Variants in OPCML observed in about 807,000 individuals in gnomAD.
The protein encoded by OPCML is opioid-binding protein/cell adhesion molecule.
OPCML carries 13 observed loss-of-function variants against 37.8 expected under a neutral mutation model. The observed-to-expected ratio is 0.34, with a 90% CI of 0.22 to 0.55. The LOEUF is 0.55. Among genes scored for constraint, OPCML ranks in the 20% least tolerant of loss-of-function variants. OPCML has a pLI of 0.91. For synonymous variants in OPCML, 176 were observed against 168.8 expected (o/e 1.04, Z -0.33); for missense variants, 341 against 435.6 (o/e 0.78, Z 1.93).
At chr11:132,446,436 T>C (rs1469384686) in intron 4 of OPCML, among the ~76,000 whole-genome samples, 1 of 152,044 alleles carries the variant, frequency 6.6e-6, no homozygotes, top group Admixed American at 6.6e-5. Flanking sequence ...TAAATCCATT[T>C]GATGAGCAGA....
At chr11:133,467,530 T>C (rs1947003783) in intron 1 of OPCML, among the ~76,000 whole-genome samples, 1 of 152,194 alleles carries the variant, frequency 6.6e-6, no homozygotes, top group African/African-American at 2.4e-5. Flanking sequence ...ATTAATAATA[T>C]TTTTAAAGAC....
chr11:132,760,937 C>A (rs945183276), intron 2 of OPCML, among the ~76,000 whole-genome samples: 1 of 152,086 alleles, frequency 6.6e-6, no homozygotes, highest in Non-Finnish European at 1.5e-5. Context: ...TGGCTGGTAC[C>A]AGTTTTTCCT....
chr11:133,034,919 C>A (rs900343544), intron 1 of OPCML, among the ~76,000 whole-genome samples: 1 of 152,056 alleles, frequency 6.6e-6, no homozygotes, highest in African/African-American at 2.4e-5. Context: ...CCGGCAGAGA[C>A]ATGTTCTCAA....
intron 1 of OPCML, among the ~76,000 whole-genome samples, chr11:133,082,312 G>C (rs1208811409): frequency 2.0e-5 from 3 of 151,312 alleles, no homozygotes; most frequent in Non-Finnish European, 3.0e-5. Context: ...GGCTCCACCC[G>C]GCTGGGGCAA....
intron 1 of OPCML, among the ~76,000 whole-genome samples, chr11:133,216,651 A>G (rs1244820866): frequency 3.3e-5 from 5 of 152,244 alleles, no homozygotes; most frequent in African/African-American, 1.2e-4. Context: ...TTAAGGCTCA[A>G]TTAAATAATC....
chr11:132,923,037 G>A (rs1013899046), intron 2 of OPCML, among the ~76,000 whole-genome samples: 3 of 151,686 alleles, frequency 2.0e-5, no homozygotes, highest in Admixed American at 6.6e-5. Flanking sequence ...TTGCACCACT[G>A]CACTCCAGCC....
chr11:132,825,402 G>C (rs1285150527), intron 2 of OPCML, among the ~76,000 whole-genome samples: 1 of 152,136 alleles, frequency 6.6e-6, no homozygotes, highest in Non-Finnish European at 1.5e-5. Context: ...CATTTGAACA[G>C]GACAGACCTG....
chr11:133,057,788 C>A, intron 1 of OPCML, among the ~76,000 whole-genome samples: 1 of 152,282 alleles, frequency 6.6e-6, no homozygotes, highest in Middle Eastern at 3.4e-3. Context: ...GCATGACCCT[C>A]TCAAGTCCTT....
At chr11:133,348,567 G>C (rs1271687948) in intron 1 of OPCML, among the ~76,000 whole-genome samples, 10 of 152,192 alleles carry the variant, frequency 6.6e-5, no homozygotes, top group African/African-American at 2.2e-4. Context: ...CTCACAAATA[G>C]AGGAGCAGGT....
intron 3 of OPCML, among the ~76,000 whole-genome samples, chr11:132,570,989 G>A (rs914634823): frequency 2.6e-5 from 4 of 151,638 alleles, no homozygotes; most frequent in African/African-American, 9.7e-5. Flanking sequence ...CGACATGTAA[G>A]TCATTGAAAA....
At chr11:132,856,575 A>G (rs185695861) in intron 2 of OPCML, among the ~76,000 whole-genome samples, 50 of 152,306 alleles carry the variant, frequency 3.3e-4, no homozygotes, top group African/African-American at 1.2e-3. Flanking sequence ...TAGCTTCCCG[A>G]TAAGCTCTCA....
chr11:132,575,415 C>A (rs1005938614), intron 3 of OPCML, among the ~76,000 whole-genome samples: 1 of 151,616 alleles, frequency 6.6e-6, no homozygotes, highest in African/African-American at 2.4e-5. Context: ...TGTGTAAGTT[C>A]TATAATTTAA....
intron 1 of OPCML, among the ~76,000 whole-genome samples, chr11:133,027,567 G>C (rs558946190): frequency 6.8e-6 from 1 of 146,652 alleles, no homozygotes; most frequent in Non-Finnish European, 1.5e-5. Flanking sequence ...GGTATGTTAC[G>C]TGTGTGGTGT....
chr11:133,379,315 C>T (rs1944881630), intron 1 of OPCML, among the ~76,000 whole-genome samples: 2 of 152,222 alleles, frequency 1.3e-5, no homozygotes. Flanking sequence ...GTCTTCTACA[C>T]CCCTGTGCGT....
chr11:133,516,019 C>T (rs2120659690), intron 1 of OPCML, among the ~76,000 whole-genome samples: 1 of 152,088 alleles, frequency 6.6e-6, no homozygotes, highest in African/African-American at 2.4e-5. Flanking sequence ...CAGCCTCATC[C>T]TCCAACAACC....
chr11:133,419,091 C>A (rs1010979570), intron 1 of OPCML: 1 of 294,434 alleles, frequency 3.4e-6, no homozygotes, highest in Non-Finnish European at 5.0e-6. Flanking sequence ...TCACCTTTGG[C>A]GAAACTGATT....
At chr11:132,589,806 T>C (rs940398931) in intron 3 of OPCML, among the ~76,000 whole-genome samples, 1 of 152,210 alleles carries the variant, frequency 6.6e-6, no homozygotes, top group Non-Finnish European at 1.5e-5. Flanking sequence ...AAGTCTCTTT[T>C]GCGGAGGAGA....
intron 2 of OPCML, among the ~76,000 whole-genome samples, chr11:132,930,824 A>C (rs1945174658): frequency 6.6e-6 from 1 of 152,228 alleles, no homozygotes; most frequent in Admixed American, 6.5e-5. Flanking sequence ...CCTAAAATTT[A>C]TATGAAATCT....
chr11:132,879,849 C>A (rs1339614374), intron 2 of OPCML, among the ~76,000 whole-genome samples: 1 of 152,156 alleles, frequency 6.6e-6, no homozygotes, highest in Admixed American at 6.5e-5. Flanking sequence ...AAAAAAAATA[C>A]AAACAAAAAC....
Sources: gnomAD v4.1 joint callset for allele counts (sites outside exome capture counted in the v4.1 genomes callset) on GRCh38, gnomAD v4.1.1 for gene constraint, MANE v1.5 for transcripts, NCBI Gene and HGNC (gene_info 2026-07-23, HGNC 2026-07-21) for gene names.